WDR45: variants seen among roughly 807,000 people sequenced by gnomAD.
The protein encoded by WDR45 is WD repeat domain 45.
WDR45 carries 2 observed loss-of-function variants against 27.3 expected under a neutral mutation model. The observed-to-expected ratio is 0.07, with a 90% CI of 0.03 to 0.23. The LOEUF (loss-of-function observed/expected upper bound fraction) is 0.23, where lower values mean the gene tolerates loss of function less well. Ranked by LOEUF, WDR45 falls within the 10% of genes least tolerant of loss-of-function variation. WDR45 has a pLI of 1.00. For synonymous variants in WDR45, 99 were observed against 119.2 expected (o/e 0.83, Z 1.11); for missense variants, 175 against 311.9 (o/e 0.56, Z 3.31).
rs12007449 is a variant in WDR45 at position 49,078,158 on chromosome X, C to T, written c.-17-46G>A. The T allele has an allele frequency of 0.02, 21,690 of 1,107,453 alleles. 2,511 individuals carry two copies. The African/African-American group carries it at 0.34, about 17-fold the overall frequency. 91.3% of individuals were successfully genotyped at this position (1,107,453 alleles called of 1,213,427 possible). ...GATGAGAAGAGTCCTGGAATCTCCC[C>T]TCCAAGTTCTGCCTCACCTGATTTC... On this transcript the variant is annotated intron_variant, in intron 1 of 10. Transcript: ENST00000376372.
chrX:49,096,295 A>C (rs1295924155), intron 2 of WDR45, among the ~76,000 whole-genome samples: 3 of 110,862 alleles, frequency 2.7e-5, no homozygotes, highest in Non-Finnish European at 5.7e-5. Flanking sequence ...CAGTGGCGTA[A>C]TCATGGCTCA....
chrX:49,099,739 C>A (rs1178210513), intron 2 of WDR45, among the ~76,000 whole-genome samples: 2 of 108,251 alleles, frequency 1.8e-5, no homozygotes. Flanking sequence ...CGAGATCGCG[C>A]CACTGCACTC....
chrX:49,090,752 G>A (rs1159873601), intron 2 of WDR45, among the ~76,000 whole-genome samples: 1 of 110,593 alleles, frequency 9.0e-6, no homozygotes, highest in Non-Finnish European at 1.9e-5. Context: ...TGGCTAGGCT[G>A]GTGTTGAACT....
chrX:49,084,882 G>A (rs1390901078), upstream of WDR45, among the ~76,000 whole-genome samples: 16 of 111,219 alleles, frequency 1.4e-4, no homozygotes, highest in African/African-American at 3.6e-4. Context: ...TAATCTGCCC[G>A]CCTCGGCCTC....
At chrX:49,083,245 C>T (rs1320709065), upstream of WDR45, among the ~76,000 whole-genome samples, 1 of 108,429 alleles carries the variant, frequency 9.2e-6, no homozygotes, top group East Asian at 2.9e-4. Context: ...AACTCCTGAC[C>T]TCGTGATCCA....
chrX:49,098,638 T>A lies in WDR45; in HGVS notation c.-18+1567A>T, dbSNP rs187592409. ...AGCAGGGCAACATTGTGAGACCTCA[T>A]CTCTACAAAAAGTAAAAAATTAGCC... On this transcript the variant is annotated intron_variant, in intron 2 of 11. Coordinates refer to the WDR45 transcript ENST00000356463. Among the ~76,000 whole-genome samples the A allele has an allele frequency of 5.8e-3, 641 of 110,092 alleles. 8 individuals carry two copies. The highest frequency in any genetic ancestry group is 0.02 in the African/African-American group (595 of 30,220).
At chrX:49,085,290 ACAGGTC>A (rs1557085786) in intron 2 of WDR45, among the ~76,000 whole-genome samples, 1 of 111,948 alleles carries the variant, frequency 8.9e-6, no homozygotes, top group Non-Finnish European at 1.9e-5. Context: ...ATTGGAGGGA[ACAGGTC>A]CTGACACTCA....
At position 49,076,064 on chromosome X, in the gene WDR45, CCT is replaced by C. The variant is rs1431231428; in HGVS notation, c.437-121_437-120del. On this transcript the variant is annotated intron_variant, in intron 6 of 10. Coordinates refer to ENST00000376372, the MANE Select transcript of WDR45 (RefSeq NM_001029896.2). ...CCACGATAAGCTTAACCCGAAGAACCCTGAGGGGGCTCAGCTCAGCTGCACGC... is the reference window on the plus strand; with the variant it reads ...CCACGATAAGCTTAACCCGAAGAACCGAGGGGGCTCAGCTCAGCTGCACGC... 5 of 608,750 alleles carry C rather than the reference CCT, an allele frequency of 8.2e-6. No individual in the cohort carries two copies. In the African/African-American group the frequency reaches 9.0e-5, roughly 11 times the overall value. 50.2% of individuals were successfully genotyped at this position (608,750 alleles called of 1,213,427 possible).
intron 2 of WDR45, among the ~76,000 whole-genome samples, chrX:49,091,472 G>C (rs782529819): frequency 2.9e-5 from 3 of 101,767 alleles, no homozygotes; most frequent in East Asian, 6.5e-4. Flanking sequence ...GGAATTGGCC[G>C]GGCGCGGTGG....
intron 2 of WDR45, among the ~76,000 whole-genome samples, chrX:49,093,944 C>A (rs1192745770): frequency 9.1e-6 from 1 of 109,678 alleles, no homozygotes; most frequent in Non-Finnish European, 1.9e-5. Context: ...TGGGTTCAAG[C>A]GATTCTCCTG....
chrX:49,075,408 G>A lies in WDR45; in HGVS notation c.783C>T (p.Val261=). Residue 261 remains valine, a synonymous_variant, in exon 9 of 11, where the codon GTC becomes GTT. Transcript: ENST00000376372. ...GGGTATCCTTGAGAGCAAAGATATG[G>A]ACAGTACCCTTATCACTGGAAGCGC... The part of the protein sequence containing the change: ...FLCASSDKGT[V]HIFALKDTRL... 1 of 1,209,025 alleles carries A rather than the reference G, an allele frequency of 8.3e-7. No individual in the cohort carries two copies. Among genetic ancestry groups the A allele is most frequent in the Non-Finnish European group, 1.1e-6 (1 of 894,004 alleles).
rs782476770 is a variant in WDR45 at position 49,098,040 on chromosome X, T to C, written c.-18+2165A>G. Among the ~76,000 whole-genome samples, 99 of 111,334 alleles carry C rather than the reference T, an allele frequency of 8.9e-4. 1 individual carries two copies. Among genetic ancestry groups the C allele is most frequent in the Non-Finnish European group, 6.8e-4 (36 of 53,070 alleles). ...GATCATGGCTCACTGCGGCCTCTAA[T>C]TGCAAGGCTTAAGTGATCCTCCCAC... On this transcript the variant is annotated intron_variant, in intron 2 of 11. Transcript: ENST00000356463.
At chrX:49,093,934 T>G (rs2065116276) in intron 2 of WDR45, among the ~76,000 whole-genome samples, 1 of 109,550 alleles carries the variant, frequency 9.1e-6, no homozygotes, top group Non-Finnish European at 1.9e-5. Context: ...CTCCACCTCC[T>G]GGGTTCAAGC....
intron 1 of WDR45, among the ~76,000 whole-genome samples, chrX:49,078,354 T>G (rs2065049831): frequency 8.9e-6 from 1 of 112,050 alleles, no homozygotes; most frequent in African/African-American, 3.2e-5. Context: ...AAATCCCGTC[T>G]CTAATAAAAA....
At chrX:49,082,527 A>C (rs1177825497), upstream of WDR45, among the ~76,000 whole-genome samples, 2 of 110,703 alleles carry the variant, frequency 1.8e-5, no homozygotes, top group African/African-American at 6.6e-5. Context: ...CCACTTCCTC[A>C]TGTCCCAGAC....
At chrX:49,101,029 C>G (rs1234696118) in intron 1 of WDR45, 3 of 112,541 alleles carry the variant, frequency 2.7e-5, no homozygotes, top group Non-Finnish European at 3.8e-5. Flanking sequence ...GCGCCACGGC[C>G]CGGTGTGTGA....
chrX:49,080,206 C>T (rs2065060602), upstream of WDR45: 2 of 112,438 alleles, frequency 1.8e-5, no homozygotes, highest in Admixed American at 1.9e-4. Flanking sequence ...TAAACCTTCC[C>T]TGCTAACAAG....
At position 49,075,411 on chromosome X, in the gene WDR45, A is replaced by G; in HGVS notation, c.780T>C (p.Thr260=). ...SFLCASSDKG[T]VHIFALKDTR... Reference sequence around the variant, plus strand: ...TATCCTTGAGAGCAAAGATATGGACAGTACCCTTATCACTGGAAGCGCAGA... The same window carrying G: ...TATCCTTGAGAGCAAAGATATGGACGGTACCCTTATCACTGGAAGCGCAGA... Residue 260 remains threonine, a synonymous_variant, in exon 9 of 11, where the codon ACT becomes ACC. Coordinates refer to ENST00000376372, the MANE Select transcript of WDR45 (RefSeq NM_001029896.2). 1 of 1,209,386 alleles carries G rather than the reference A, an allele frequency of 8.3e-7. No homozygotes were observed. Among genetic ancestry groups the G allele is most frequent in the Non-Finnish European group, 1.1e-6 (1 of 894,174 alleles).
Position 49,079,875 on chromosome X carries a change from G to C in WDR45, c.-142C>G, listed in dbSNP as rs1213791516. The C allele has an allele frequency of 8.8e-6, 1 of 113,301 alleles. No individual in the cohort carries two copies. The highest frequency in any genetic ancestry group is 1.9e-5 in the Non-Finnish European group (1 of 53,393). 9.3% of individuals were successfully genotyped at this position (113,301 alleles called of 1,213,427 possible). A position where few individuals can be genotyped will look rare whatever the true frequency, so the allele number is the denominator to read the frequency against. ...TCTGACCTCCCGGGCCTTGGAGCCC[G>C]GCTCGGGTGTTTACATCAGGCCCTA... On this transcript the variant is annotated 5_prime_UTR_variant, in exon 1 of 11. Coordinates refer to ENST00000376372, the MANE Select transcript of WDR45 (RefSeq NM_001029896.2).
Sources: gnomAD v4.1 joint callset for allele counts (sites outside exome capture counted in the v4.1 genomes callset) on GRCh38, gnomAD v4.1.1 for gene constraint, MANE v1.5 for transcripts, NCBI Gene and HGNC (gene_info 2026-07-23, HGNC 2026-07-21) for gene names.